Variants in CCDC88B observed in about 807,000 individuals in gnomAD.
CCDC88B encodes coiled-coil domain-containing protein 88B.
A neutral mutation model predicts 183.7 loss-of-function variants in CCDC88B; 138 were observed. That is an observed-to-expected ratio of 0.75 (90% CI 0.65 to 0.87). The LOEUF is 0.87. Among genes scored for constraint, CCDC88B ranks in the 40% least tolerant of loss-of-function variants. CCDC88B has a pLI of 0.00. For synonymous variants in CCDC88B, 835 were observed against 867.5 expected (o/e 0.96, Z 0.66); for missense variants, 1,822 against 1,965.6 (o/e 0.93, Z 1.38).
intron 26 of CCDC88B, chr11:64,356,687 C>T (rs1180563199): frequency 1.1e-5 from 4 of 355,450 alleles, no homozygotes; most frequent in Non-Finnish European, 1.5e-5. Flanking sequence ...CCCGGCTGGA[C>T]CATCAGGAGG....
At chr11:64,343,975 T>A in intron 13 of CCDC88B, 22 bp from the exon 14 acceptor site, 1 of 1,561,342 alleles carries the variant, frequency 6.4e-7, no homozygotes, top group Non-Finnish European at 8.7e-7. Flanking sequence ...TGGGCCTGAC[T>A]GTCCCTCTCG....
Position 64,342,288 on chromosome 11 carries a change from C to T in CCDC88B, c.822-6C>T. ...CAGACCCTCCCTAGACTCCCCTTCCCTCCAGGGAGGAGAAGGCCGAGCTGC... is the reference window on the plus strand; with the variant it reads ...CAGACCCTCCCTAGACTCCCCTTCCTTCCAGGGAGGAGAAGGCCGAGCTGC... On this transcript the variant is annotated splice_polypyrimidine_tract_variant and splice_region_variant and intron_variant, in intron 8 of 26. Coordinates refer to ENST00000356786, the MANE Select transcript of CCDC88B (RefSeq NM_032251.6). 6.3e-7 allele frequency: 1 copy of T among 1,582,926 alleles called. No individual in the cohort carries two copies. The highest frequency in any genetic ancestry group is 1.2e-5 in the South Asian group (1 of 86,736).
Position 64,352,249 on chromosome 11 carries a change from C to T in CCDC88B, c.3219C>T (p.Ala1073=), listed in dbSNP as rs750916328. 18 of 1,605,406 alleles carry T rather than the reference C, an allele frequency of 1.1e-5. No homozygotes were observed. Among genetic ancestry groups the T allele is most frequent in the Non-Finnish European group, 1.4e-5 (16 of 1,176,248 alleles). ...AGGAGACCCGCGGGCAGCAGCAGGC[C>T]CTGCTTCGGGACCACAAGGCCCTGG... ...SQEETRGQQQ[A]LLRDHKALAQ... is the part of the protein sequence containing the mutation. Residue 1073 remains alanine, a synonymous_variant, in exon 19 of 27, where the codon GCC becomes GCT. Transcript: ENST00000356786.
intron 14 of CCDC88B, chr11:64,348,999 C>G: frequency 1.4e-6 from 1 of 717,480 alleles, no homozygotes. Context: ...GGTGGCAGCC[C>G]ACCGGGCGCA....
intron 14 of CCDC88B, 145 bp from the exon 15 acceptor site, chr11:64,349,186 A>T: frequency 1.1e-6 from 1 of 944,866 alleles, no homozygotes; most frequent in Non-Finnish European, 1.6e-6. Context: ...CCCATTTTAT[A>T]GATGGGGAAG....
rs1215437923 is a variant in CCDC88B, at chr11:64,357,019, A to T, written c.4376-20A>T. On this transcript the variant is annotated intron_variant, in intron 26 of 26. Transcript: ENST00000356786. ...AGTCCTCCTGAGGGAAGCAGATCTC[A>T]GCTGAGCCTTTCCCTCTAGGCCCTG... 2.6e-6 allele frequency: 4 copies of T among 1,561,032 alleles called. No homozygotes were observed. In the East Asian group the frequency reaches 9.0e-5, roughly 35 times the overall value.
At chr11:64,349,515 T>TGGGG in intron 15 of CCDC88B, 36 bp from the exon 16 acceptor site, 3 of 224,640 alleles carry the variant, frequency 1.3e-5, no homozygotes, top group East Asian at 1.2e-4. Flanking sequence ...GGGGCGAGGG[T>TGGGG]GGGGTGGGGC....
rs182551182 is a variant in CCDC88B, at chr11:64,357,296, C to G, written c.*202C>G. Reference sequence around the variant, plus strand: ...ACGAGTGTGTGGACAGGGGGGATGGCTGGCCCCCACGAGCAGCTCCAGGCT... The same window carrying G: ...ACGAGTGTGTGGACAGGGGGGATGGGTGGCCCCCACGAGCAGCTCCAGGCT... On this transcript the variant is annotated 3_prime_UTR_variant, in exon 27 of 27. Coordinates refer to ENST00000356786, the MANE Select transcript of CCDC88B (RefSeq NM_032251.6). 146 of 738,576 alleles carry G rather than the reference C, an allele frequency of 2.0e-4. No individual in the cohort carries two copies. In the East Asian group the frequency reaches 3.7e-3, roughly 19 times the overall value. The allele number at this position is 738,576 out of a possible 1,614,324, so 45.8% of individuals were successfully genotyped here. A position where few individuals can be genotyped will look rare whatever the true frequency, so the allele number is the denominator to read the frequency against.
At position 64,342,077 on chromosome 11, in the gene CCDC88B, G is replaced by A. The variant is rs762172247; in HGVS notation, c.759G>A (p.Ser253=). The A allele has an allele frequency of 1.9e-6, 3 of 1,611,194 alleles. No individual in the cohort carries two copies. The highest frequency in any genetic ancestry group is 1.7e-6 in the Non-Finnish European group (2 of 1,179,298). ...APSRAPAEGP[S]HHLALQLANA... ...CTAGGGCTCCCGCCGAGGGCCCCTCGCACCATCTGGCCCTGCAGCTGGCCA... is the reference window on the plus strand; with the variant it reads ...CTAGGGCTCCCGCCGAGGGCCCCTCACACCATCTGGCCCTGCAGCTGGCCA... Residue 253 remains serine (S), a synonymous_variant, in exon 8 of 27, where the codon TCG becomes TCA. Transcript: ENST00000356786.
chr11:64,354,867 C>T, intron 24 of CCDC88B, among the ~76,000 whole-genome samples: 1 of 101,938 alleles, frequency 9.8e-6, no homozygotes, highest in Non-Finnish European at 2.0e-5. Flanking sequence ...CCTCCTCTGA[C>T]CCCCTCCCTG....
At chr11:64,340,857 C>A (rs1166898630) in intron 2 of CCDC88B, 50 bp from the exon 3 acceptor site, 1 of 1,534,796 alleles carries the variant, frequency 6.5e-7, no homozygotes, top group African/African-American at 1.4e-5. Context: ...GGACGGTGGG[C>A]GAGGCCTGTT....
rs747485679 is a variant in CCDC88B, at chr11:64,344,581, A to G, written c.2040A>G (p.Arg680=). The G allele has an allele frequency of 6.2e-7, 1 of 1,609,242 alleles. No homozygotes were observed. Residue 680 remains arginine (R), a synonymous_variant, in exon 14 of 27, where the codon AGA becomes AGG. Coordinates refer to ENST00000356786, the MANE Select transcript of CCDC88B (RefSeq NM_032251.6). This position sits in a 1 kb window ranked among gnomAD's most constrained non-coding sequence, Gnocchi z 4.5. ...TGGCCACGGGACAAGCAGAGGCCAG[A>G]GAGCATGACCAGAGGCTGGAAGGGA... ...LDLATGQAEA[R]EHDQRLEGTV...
chr11:64,355,485 G>C lies in CCDC88B; in HGVS notation c.4307-75G>C, dbSNP rs559650324. On this transcript the variant is annotated intron_variant, in intron 25 of 26. Coordinates refer to ENST00000356786, the MANE Select transcript of CCDC88B (RefSeq NM_032251.6). Reference sequence around the variant, plus strand: ...CCTTGGGGGAGGAGGCTTCCTTCTTGTCCCCTGTGTCTCCTGCAAGCTCTG... The same window carrying C: ...CCTTGGGGGAGGAGGCTTCCTTCTTCTCCCCTGTGTCTCCTGCAAGCTCTG... The C allele has an allele frequency of 7.2e-5, 115 of 1,591,862 alleles. No individual in the cohort carries two copies. In the East Asian group the frequency reaches 2.4e-3, roughly 34 times the overall value.
chr11:64,343,140 G>C, intron 10 of CCDC88B, 39 bp from the exon 11 acceptor site: 1 of 1,497,858 alleles, frequency 6.7e-7, no homozygotes, highest in Admixed American at 2.1e-5. Flanking sequence ...GAGTGCATGG[G>C]GGCTGCGTGG....
chr11:64,353,218 G>T lies in CCDC88B; in HGVS notation c.3665G>T (p.Cys1222Phe). Reference sequence around the variant, plus strand: ...AACCAGCAGCTGGACCTGAGCGCCTGCCGGCTGACCACGCAGTGTGAGGTG... The same window carrying T: ...AACCAGCAGCTGGACCTGAGCGCCTTCCGGCTGACCACGCAGTGTGAGGTG... ...ESNQQLDLSA[C>F]RLTTQCELLT... The change falls in exon 21 of 27, where the codon TGC becomes TTC. Residue 1222 changes from cysteine (C) to phenylalanine (F), a missense_variant. Physicochemically the swap from Cys to Phe is radical, Grantham distance 205 (BLOSUM62 -2). Transcript: ENST00000356786. The T allele has an allele frequency of 6.4e-7, 1 of 1,567,424 alleles. No homozygotes were observed.
At chr11:64,353,854 T>C (rs2036439262) in intron 23 of CCDC88B, 41 bp downstream of exon 23, 1 of 1,609,256 alleles carries the variant, frequency 6.2e-7, no homozygotes, top group Non-Finnish European at 8.5e-7. Context: ...GACATCCTGC[T>C]AACCTCTGCC....
At chr11:64,341,199 C>T (rs1273584053) in intron 4 of CCDC88B, 21 bp downstream of exon 4, 6 of 1,614,106 alleles carry the variant, frequency 3.7e-6, no homozygotes, top group Non-Finnish European at 5.1e-6. Flanking sequence ...CACCCACACC[C>T]TCCTGCCTCT....
rs768056505 is a variant in CCDC88B at position 64,353,372 on chromosome 11, G to A, written c.3709G>A (p.Ala1237Thr). ...CCAGCTATTGACACAGCTGCGAAGT[G>A]CCCAGGAAGAGGAGAACCGGCAGCT... ...QCELLTQLRS[A>T]QEEENRQLLA... Residue 1237 changes from alanine to threonine, a missense_variant, in exon 22 of 27, where the codon GCC becomes ACC. Coordinates refer to ENST00000356786, the MANE Select transcript of CCDC88B (RefSeq NM_032251.6). The A allele has an allele frequency of 2.5e-6, 4 of 1,613,674 alleles. No individual in the cohort carries two copies. The highest frequency in any genetic ancestry group is 8.5e-7 in the Non-Finnish European group (1 of 1,179,982).
chr11:64,346,413 C>T (rs2036105527), intron 14 of CCDC88B, among the ~76,000 whole-genome samples: 1 of 151,938 alleles, frequency 6.6e-6, no homozygotes, highest in Non-Finnish European at 1.5e-5. Context: ...GGAGTACAGG[C>T]ACACACCACC....
Sources: allele counts gnomAD v4.1 joint callset (sites outside exome capture counted in the v4.1 genomes callset), GRCh38; gene constraint gnomAD v4.1.1; non-coding constraint Gnocchi (gnomAD v3.1); transcripts MANE v1.5; gene names NCBI Gene and HGNC (gene_info 2026-07-23, HGNC 2026-07-21).